Variants in CTNNAL1 observed in about 807,000 individuals in gnomAD.
CTNNAL1 encodes the protein alpha-catulin.
A neutral mutation model predicts 93.6 loss-of-function variants in CTNNAL1; 69 were observed. The ratio of observed to expected loss-of-function variants is 0.74; its 90% CI spans 0.61 to 0.90. The LOEUF (loss-of-function observed/expected upper bound fraction) is 0.90, where lower values mean the gene tolerates loss of function less well. CTNNAL1 is among the 40% of genes least tolerant of loss of function. The pLI, the probability that CTNNAL1 is intolerant of heterozygous loss-of-function variation, is 0.00. For synonymous variants in CTNNAL1, 286 were observed against 305.4 expected (o/e 0.94, Z 0.66); for missense variants, 836 against 862.0 (o/e 0.97, Z 0.38).
rs1830288562 is a variant in CTNNAL1, at chr9:108,943,010, AT to A, written c.2089del (p.Met697TrpfsTer4). ...DKCITKTRSM[M>X]ALLVQLLSLC... Reference sequence around the variant, plus strand: ...TGAAAGAAGTTGGACTAAGAGAGCCATCATGGATCTTGTCTTCGTAATACAC... The same window carrying A: ...TGAAAGAAGTTGGACTAAGAGAGCCACATGGATCTTGTCTTCGTAATACAC... On this transcript the variant is annotated frameshift_variant, in exon 18 of 19. Coordinates refer to ENST00000325551, the MANE Select transcript of CTNNAL1 (RefSeq NM_003798.4). LOFTEE classifies it high-confidence loss of function. 1 of 1,612,838 alleles carries A rather than the reference AT, an allele frequency of 6.2e-7. No homozygotes were observed.
At chr9:108,977,807 C>T (rs1348242142) in intron 7 of CTNNAL1, among the ~76,000 whole-genome samples, 1 of 152,154 alleles carries the variant, frequency 6.6e-6, no homozygotes, top group Non-Finnish European at 1.5e-5. Flanking sequence ...CTCCTTCAAA[C>T]CCTCTCAATG....
At chr9:108,963,856 G>C (rs1272823461) in intron 11 of CTNNAL1, among the ~76,000 whole-genome samples, 1 of 152,188 alleles carries the variant, frequency 6.6e-6, no homozygotes, top group East Asian at 1.9e-4. Context: ...TTTTAGAGCT[G>C]ACAGGTCACT....
Position 109,003,415 on chromosome 9 carries a change from T to C in CTNNAL1, c.142-4159A>G, listed in dbSNP as rs1391699207. Among the ~76,000 whole-genome samples the C allele has an allele frequency of 3.3e-5, 5 of 152,336 alleles. No homozygotes were observed. In the South Asian group the frequency reaches 8.3e-4, roughly 25 times the overall value. ...GAAAAGAAGCTTTCATACCAGCCCC[T>C]GCTCCAAACTTCCATAAGCAGGGAA... On this transcript the variant is annotated intron_variant, in intron 1 of 18. Coordinates refer to ENST00000325551, the MANE Select transcript of CTNNAL1 (RefSeq NM_003798.4).
intron 1 of CTNNAL1, among the ~76,000 whole-genome samples, chr9:109,012,602 C>T (rs879820699): frequency 2.6e-5 from 4 of 152,158 alleles, no homozygotes; most frequent in Non-Finnish European, 5.9e-5. Context: ...TACAGTAACG[C>T]ACACATCCCA....
Position 108,983,267 on chromosome 9 carries a change from C to G in CTNNAL1, c.778G>C (p.Gly260Arg). 3 of 1,588,552 alleles carry G rather than the reference C, an allele frequency of 1.9e-6. No homozygotes were observed. The highest frequency in any genetic ancestry group is 1.2e-5 in the South Asian group (1 of 86,510). Residue 260 changes from glycine to arginine, a missense_variant, in exon 6 of 19, where the codon GGA becomes CGA. By Grantham distance (125) the Gly-to-Arg change is moderately radical. Transcript: ENST00000325551. ...NCESAHKNKE[G>R]VFDRMKVALD... ...GCCACTTTCATACGGTCAAATACTC[C>G]TTCTTTGTTTTTATGGGCTGATTCG...
intron 10 of CTNNAL1, among the ~76,000 whole-genome samples, chr9:108,969,282 A>T (rs1831043395): frequency 6.6e-6 from 1 of 151,478 alleles, no homozygotes; most frequent in Admixed American, 6.6e-5. Context: ...AAAAAAAAAA[A>T]GGAGGAAGCT....
At position 108,990,855 on chromosome 9, in the gene CTNNAL1, A is replaced by G. The variant is rs1368478394; in HGVS notation, c.520-10T>C. The G allele has an allele frequency of 1.2e-6, 2 of 1,608,684 alleles. No homozygotes were observed. Among genetic ancestry groups the G allele is most frequent in the Admixed American group, 3.4e-5 (2 of 58,806 alleles). On this transcript the variant is annotated splice_polypyrimidine_tract_variant and intron_variant, in intron 3 of 18. Coordinates refer to ENST00000325551, the MANE Select transcript of CTNNAL1 (RefSeq NM_003798.4). The stretch of plus-strand genomic sequence containing the variant: ...CCATAGTTGCGAGAACCTGCAAAAC[A>G]GATAATAATTCATTATTTGGTGAGA...
At chr9:108,986,882 T>A (rs1831627411) in intron 4 of CTNNAL1, among the ~76,000 whole-genome samples, 2 of 152,222 alleles carry the variant, frequency 1.3e-5, no homozygotes. Flanking sequence ...GTTGTTTGTT[T>A]TTTTCTTGTA....
rs559188148 is a variant in CTNNAL1 at position 108,967,432 on chromosome 9, A to G, written c.1441-1904T>C. On this transcript the variant is annotated intron_variant, in intron 10 of 18. Coordinates refer to ENST00000325551, the MANE Select transcript of CTNNAL1 (RefSeq NM_003798.4). Reference sequence around the variant, plus strand: ...ACATGACTATTCATTCACCCACTACATACTAGTAGGCACTGTGCCCACGTT... The same window carrying G: ...ACATGACTATTCATTCACCCACTACGTACTAGTAGGCACTGTGCCCACGTT... Among the ~76,000 whole-genome samples, 104 of 152,300 alleles carry G rather than the reference A, an allele frequency of 6.8e-4. 3 individuals are homozygous for G. The South Asian group carries it at 0.021, about 31-fold the overall frequency.
intron 11 of CTNNAL1, among the ~76,000 whole-genome samples, chr9:108,961,907 A>G (rs1830829757): frequency 6.6e-6 from 1 of 152,168 alleles, no homozygotes; most frequent in Non-Finnish European, 1.5e-5. Flanking sequence ...GGGATCTCTC[A>G]GTCATTTCTG....
chr9:109,009,557 G>A (rs1315657044), intron 1 of CTNNAL1, among the ~76,000 whole-genome samples: 1 of 152,046 alleles, frequency 6.6e-6, no homozygotes, highest in Admixed American at 6.5e-5. Context: ...ACAGGTCTAT[G>A]TTTTTCAACC....
intron 4 of CTNNAL1, among the ~76,000 whole-genome samples, chr9:108,989,567 G>A (rs904090870): frequency 6.6e-6 from 1 of 152,056 alleles, no homozygotes; most frequent in Non-Finnish European, 1.5e-5. Context: ...AAAACTGAGA[G>A]ACTAGCCTAT....
intron 1 of CTNNAL1, among the ~76,000 whole-genome samples, chr9:109,000,800 A>T (rs1337151409): frequency 6.6e-6 from 1 of 151,986 alleles, no homozygotes; most frequent in African/African-American, 2.4e-5. Context: ...GGGGCAAGTT[A>T]AAACCAATAT....
At chr9:108,997,377 C>G (rs1275511531) in intron 2 of CTNNAL1, among the ~76,000 whole-genome samples, 1 of 152,184 alleles carries the variant, frequency 6.6e-6, no homozygotes, top group African/African-American at 2.4e-5. Context: ...TCAGGCTGTC[C>G]TCATTCGTTC....
At chr9:108,972,864 G>GGGGGGGGGGCCC in intron 8 of CTNNAL1, 31 bp from the exon 9 acceptor site, 6 of 142,544 alleles carry the variant, frequency 4.2e-5, no homozygotes, top group Non-Finnish European at 6.0e-5. Flanking sequence ...GGGGGGGTGG[G>GGGGGGGGGGCCC]AGGGTGGAGA....
In CTNNAL1 at chr9:108,979,324, G is replaced by T. The variant is rs1167326465; in HGVS notation, c.1058C>A (p.Ala353Glu). The change falls in exon 7 of 19, where the codon GCG becomes GAG. Residue 353 changes from alanine to glutamate, a missense_variant. By Grantham distance (107) the Ala-to-Glu change is moderately radical. Coordinates refer to ENST00000325551, the MANE Select transcript of CTNNAL1 (RefSeq NM_003798.4). ...RERILELSTQ[A>E]RMELQQLISV... Reference sequence around the variant, plus strand: ...AATTAACTGCTGCAGTTCCATTCTCGCCTGAGTTGACAGTTCCAAGATGCG... The same window carrying T: ...AATTAACTGCTGCAGTTCCATTCTCTCCTGAGTTGACAGTTCCAAGATGCG... 1 of 1,614,068 alleles carries T rather than the reference G, an allele frequency of 6.2e-7. No homozygotes were observed. Among genetic ancestry groups the T allele is most frequent in the Non-Finnish European group, 8.5e-7 (1 of 1,180,002 alleles).
At chr9:108,969,669 C>T (rs1831054816) in intron 10 of CTNNAL1, among the ~76,000 whole-genome samples, 1 of 151,792 alleles carries the variant, frequency 6.6e-6, no homozygotes, top group African/African-American at 2.4e-5. Context: ...TTTTTTCCCC[C>T]AGATATAGAC....
At chr9:108,968,451 C>T (rs1831018666) in intron 10 of CTNNAL1, among the ~76,000 whole-genome samples, 1 of 152,152 alleles carries the variant, frequency 6.6e-6, no homozygotes. Flanking sequence ...AAAATTGCAA[C>T]CAGATGGCAA....
Position 108,992,702 on chromosome 9 carries a change from G to A in CTNNAL1, c.449C>T (p.Ser150Phe). 1 of 1,613,934 alleles carries A rather than the reference G, an allele frequency of 6.2e-7. No homozygotes were observed. Among genetic ancestry groups the A allele is most frequent in the Non-Finnish European group, 8.5e-7 (1 of 1,179,932 alleles). ...CAGCAACAACACTTTTGTCACTGAA[G>A]AAAGAAGTAATCTTGCAGCCTTTAT... The part of the protein sequence containing the change: ...GVIKAARLLL[S>F]SVTKVLLLAD... Residue 150 changes from serine (S) to phenylalanine (F), a missense_variant, in exon 3 of 19, where the codon TCT (serine) becomes TTT (phenylalanine). Ser to Phe is a radical substitution (Grantham distance 155, BLOSUM62 -2). Coordinates refer to ENST00000325551, the MANE Select transcript of CTNNAL1 (RefSeq NM_003798.4).
Sources: allele counts gnomAD v4.1 joint callset (sites outside exome capture counted in the v4.1 genomes callset), GRCh38; gene constraint gnomAD v4.1.1; transcripts MANE v1.5; gene names NCBI Gene and HGNC (gene_info 2026-07-23, HGNC 2026-07-21).